The following MLLT10 variants were observed in gnomAD, a reference collection of about 807,000 sequenced individuals.
The protein encoded by MLLT10 is protein AF-10.
Under a neutral mutation model 129.1 loss-of-function variants are expected in MLLT10, and 30 were observed. The ratio of observed to expected loss-of-function variants is 0.23; its 90% CI spans 0.17 to 0.32. The LOEUF is 0.32. Among genes scored for constraint, MLLT10 ranks in the 10% least tolerant of loss-of-function variants. The pLI is 1.00. For synonymous variants in MLLT10, 490 were observed against 446.4 expected, an observed-to-expected ratio of 1.10 and a Z score of -1.23; for missense variants, 1,119 against 1,268.3, an observed-to-expected ratio of 0.88 and a Z score of 1.79.
chr10:21,700,590 A>G lies in MLLT10; in HGVS notation c.1700-13182A>G, dbSNP rs141741686. Among the ~76,000 whole-genome samples the G allele has an allele frequency of 4.2e-3, 634 of 152,240 alleles. 9 individuals are homozygous for G. The highest frequency in any genetic ancestry group is 0.015 in the African/African-American group (606 of 41,532). On this transcript the variant is annotated intron_variant, in intron 13 of 22. Transcript: ENST00000307729. ...TATGAAGCGATGTTGAATTTTATCAAATGCTTTTTCTGCATCTGAGATGAT... is the reference window on the plus strand; with the variant it reads ...TATGAAGCGATGTTGAATTTTATCAGATGCTTTTTCTGCATCTGAGATGAT...
rs1554788897 is a variant in MLLT10, at chr10:21,555,675, A to AATTTTTTTTTTTTTTTTTTTTT, written c.240+16763_240+16764insATTTTTTTTTTTTTTTTTTTTT. Among the ~76,000 whole-genome samples, 3 of 132,774 alleles carry AATTTTTTTTTTTTTTTTTTTTT rather than the reference A, an allele frequency of 2.3e-5. 1 individual carries two copies. The highest frequency in any genetic ancestry group is 3.3e-5 in the Non-Finnish European group (2 of 61,212). 87.1% of individuals were successfully genotyped at this position (132,774 alleles called of 152,430 possible). ...TCAGCCTTGATTCAAATGTAAGACA[A>AATTTTTTTTTTTTTTTTTTTTT]TTTTTTTTTTTTTTTTTTTGAGAGG... On this transcript the variant is annotated intron_variant, in intron 3 of 22. Transcript: ENST00000307729.
intron 4 of MLLT10, among the ~76,000 whole-genome samples, chr10:21,594,159 G>A (rs1434590192): frequency 2.0e-5 from 3 of 151,982 alleles, no homozygotes; most frequent in Non-Finnish European, 4.4e-5. Flanking sequence ...TTGCCCTTCA[G>A]TGTTGCATCT....
chr10:21,657,326 G>A (rs1354722801), intron 9 of MLLT10, among the ~76,000 whole-genome samples: 4 of 148,948 alleles, frequency 2.7e-5, no homozygotes, highest in African/African-American at 9.9e-5. Context: ...CCCAGAGGCC[G>A]AGGTTGCAGT....
intron 5 of MLLT10, among the ~76,000 whole-genome samples, chr10:21,610,984 CTTTTTTTTTTTT>C (rs71393913): frequency 6.8e-5 from 7 of 102,886 alleles, no homozygotes; most frequent in Admixed American, 5.5e-4. Flanking sequence ...TCTTTTTTCT[CTTTTTTTTTTTT>C]TTTTTTTTCC....
intron 8 of MLLT10, among the ~76,000 whole-genome samples, chr10:21,617,948 A>C (rs960276048): frequency 7.9e-5 from 12 of 152,178 alleles, no homozygotes; most frequent in Non-Finnish European, 1.6e-4. Flanking sequence ...GTTTGAGTGG[A>C]GGCTGTAGTG....
In MLLT10 at chr10:21,707,611, A is replaced by G. The variant is rs1163408478; in HGVS notation, c.1700-6161A>G. Among the ~76,000 whole-genome samples, 3 of 152,212 alleles carry G rather than the reference A, an allele frequency of 2.0e-5. No individual in the cohort carries two copies. The South Asian group carries it at 6.2e-4, about 32-fold the overall frequency. On this transcript the variant is annotated intron_variant, in intron 13 of 22. Transcript: ENST00000307729. ...CAGATTGTGAAATAGCCTCCTAAAA[A>G]AAAATCTTTGTTTCCACTCATCCCC...
intron 17 of MLLT10, among the ~76,000 whole-genome samples, chr10:21,731,273 A>C (rs1733477861): frequency 6.6e-6 from 1 of 152,238 alleles, no homozygotes; most frequent in Non-Finnish European, 1.5e-5. Flanking sequence ...TGTTATTAAT[A>C]GTATGATCTT....
chr10:21,568,027 A>G (rs1588986309), intron 3 of MLLT10, among the ~76,000 whole-genome samples: 1 of 152,132 alleles, frequency 6.6e-6, no homozygotes, highest in South Asian at 2.1e-4. Context: ...CATGTTGGCC[A>G]GGCTGGTCTC....
intron 13 of MLLT10, among the ~76,000 whole-genome samples, chr10:21,701,649 C>T (rs1462527578): frequency 5.9e-5 from 9 of 152,048 alleles, no homozygotes; most frequent in Admixed American, 3.9e-4. Flanking sequence ...TGCAGTAATG[C>T]GATCTCTTCT....
chr10:21,650,402 A>G (rs2131319389), intron 8 of MLLT10, among the ~76,000 whole-genome samples: 1 of 152,308 alleles, frequency 6.6e-6, no homozygotes, highest in African/African-American at 2.4e-5. Context: ...ACTGTTGCTG[A>G]AGTACTGACA....
intron 10 of MLLT10, among the ~76,000 whole-genome samples, chr10:21,671,196 T>G (rs2051363739): frequency 1.3e-5 from 2 of 152,144 alleles, no homozygotes; most frequent in South Asian, 4.1e-4. Flanking sequence ...TTTTTGTATT[T>G]TAGTAGAGAT....
intron 9 of MLLT10, among the ~76,000 whole-genome samples, chr10:21,666,238 T>C (rs2050783901): frequency 6.6e-6 from 1 of 152,166 alleles, no homozygotes; most frequent in Admixed American, 6.5e-5. Context: ...TTACATAAAG[T>C]ATAAGAACCT....
chr10:21,534,305 A>AC lies in MLLT10; in HGVS notation c.-216_-215insC, dbSNP rs2033356275. The AC allele has an allele frequency of 3.3e-6, 1 of 302,874 alleles. No individual in the cohort carries two copies. The highest frequency in any genetic ancestry group is 5.9e-6 in the Non-Finnish European group (1 of 169,226). 18.8% of individuals were successfully genotyped at this position (302,874 alleles called of 1,614,324 possible). On this transcript the variant is annotated 5_prime_UTR_variant, in exon 1 of 23. Transcript: ENST00000307729. ...CCCTCGCTGCCCCTGGCCCAGCGGG[A>AC]GCCCCCCCTCCCCCCAGTGCGCCTG...
intron 12 of MLLT10, 27 bp downstream of exon 12, chr10:21,681,403 C>A: frequency 6.4e-7 from 1 of 1,552,840 alleles, no homozygotes; most frequent in Non-Finnish European, 8.9e-7. Context: ...GGTTGATAAC[C>A]CGGGCCTTTT....
At chr10:21,649,930 G>T (rs1178258420) in intron 8 of MLLT10, among the ~76,000 whole-genome samples, 1 of 152,090 alleles carries the variant, frequency 6.6e-6, no homozygotes, top group Non-Finnish European at 1.5e-5. Context: ...GATTCTTTGG[G>T]GAGTCATTAT....
At chr10:21,662,465 TA>T (rs71393918) in intron 9 of MLLT10, among the ~76,000 whole-genome samples, 135,187 of 152,132 alleles carry the variant, frequency 0.89, 60,407 homozygotes, top group East Asian at 1. Flanking sequence ...TCCTCAAGCT[TA>T]AGAGATTTTT....
chr10:21,584,281 A>G (rs984456078), intron 3 of MLLT10, among the ~76,000 whole-genome samples: 1 of 151,544 alleles, frequency 6.6e-6, no homozygotes, highest in African/African-American at 2.4e-5. Flanking sequence ...CTCCTGCCTC[A>G]GCCTCCCAAG....
At chr10:21,724,641 G>A (rs1420315808) in intron 14 of MLLT10, among the ~76,000 whole-genome samples, 3 of 152,218 alleles carry the variant, frequency 2.0e-5, no homozygotes, top group Non-Finnish European at 4.4e-5. Context: ...TGTTAAATCT[G>A]AGAATTATTT....
chr10:21,716,810 A>G (rs2056596674), intron 14 of MLLT10, among the ~76,000 whole-genome samples: 1 of 152,216 alleles, frequency 6.6e-6, no homozygotes, highest in Non-Finnish European at 1.5e-5. Flanking sequence ...TTAAACTTGA[A>G]TAACATTTTG....
Sources: gnomAD v4.1 joint callset for allele counts (sites outside exome capture counted in the v4.1 genomes callset) on GRCh38, gnomAD v4.1.1 for gene constraint, MANE v1.5 for transcripts, NCBI Gene and HGNC (gene_info 2026-07-23, HGNC 2026-07-21) for gene names.